N4BP2L2: variants seen among roughly 807,000 people sequenced by gnomAD.
N4BP2L2 encodes NEDD4-binding protein 2-like 2.
Under a neutral mutation model 56.2 loss-of-function variants are expected in N4BP2L2, and 50 were observed. The ratio of observed to expected loss-of-function variants is 0.89; its 90% CI spans 0.71 to 1.13. The LOEUF (loss-of-function observed/expected upper bound fraction) is 1.13, where lower values mean the gene tolerates loss of function less well. Among genes scored for constraint, N4BP2L2 ranks in the 50% most tolerant of loss-of-function variants. N4BP2L2 has a pLI of 0.00. For synonymous variants in N4BP2L2, 203 were observed against 223.6 expected (o/e 0.91, Z 0.82); for missense variants, 689 against 693.8 (o/e 0.99, Z 0.08).
At chr13:32,536,060 T>A (rs113871346) in exon 2 of N4BP2L2, 2 of 1,614,088 alleles carry the variant, frequency 1.2e-6, no homozygotes. Context: ...CCAGTTAACA[T>A]GACAATTATT....
chr13:32,536,013 C>A, exon 2 of N4BP2L2: 1 of 1,613,936 alleles, frequency 6.2e-7, no homozygotes, highest in Non-Finnish European at 8.5e-7. Flanking sequence ...TCACTACAGT[C>A]AGTATATTCA....
At chr13:32,535,779 T>C in exon 2 of N4BP2L2, 1 of 1,612,830 alleles carries the variant, frequency 6.2e-7, no homozygotes, top group Non-Finnish European at 8.5e-7. Flanking sequence ...CGAGACAATG[T>C]TGTTTTCCCA....
chr13:32,443,077 C>A, exon 7 of N4BP2L2: 1 of 1,606,612 alleles, frequency 6.2e-7, no homozygotes, highest in South Asian at 1.1e-5. Context: ...TTTCTTCCTC[C>A]TTTTCTTATT....
At chr13:32,536,963 C>T in exon 2 of N4BP2L2, 13 of 1,612,434 alleles carry the variant, frequency 8.1e-6, no homozygotes, top group Non-Finnish European at 1.1e-5. Context: ...TTTTTTACAG[C>T]GTGGCTCACT....
At chr13:32,459,471 A>G (rs1326694960) in intron 6 of N4BP2L2, among the ~76,000 whole-genome samples, 1 of 151,386 alleles carries the variant, frequency 6.6e-6, no homozygotes, top group Non-Finnish European at 1.5e-5. Context: ...CAGAAATACA[A>G]AAGATCATCA....
downstream of N4BP2L2, chr13:32,507,563 C>G (rs759902598): frequency 1.3e-5 from 2 of 152,090 alleles, no homozygotes; most frequent in African/African-American, 4.8e-5. Context: ...AAAGTGACAT[C>G]TCAGGTGAGA....
intron 6 of N4BP2L2, among the ~76,000 whole-genome samples, chr13:32,487,888 C>T (rs1278697834): frequency 3.3e-5 from 5 of 149,958 alleles, no homozygotes; most frequent in South Asian, 4.2e-4. Context: ...ACGGAGTTTT[C>T]GCTCTTGTTG....
At chr13:32,537,929 G>C (rs541006655) in intron 1 of N4BP2L2, among the ~76,000 whole-genome samples, 1 of 152,152 alleles carries the variant, frequency 6.6e-6, no homozygotes, top group Non-Finnish European at 1.5e-5. Context: ...AATTAGCCGG[G>C]CATGGGGGCG....
At chr13:32,467,393 G>A (rs1440739510) in intron 6 of N4BP2L2, among the ~76,000 whole-genome samples, 1 of 151,936 alleles carries the variant, frequency 6.6e-6, no homozygotes, top group Non-Finnish European at 1.5e-5. Context: ...GAATAAGTGG[G>A]ACTACAGGCG....
intron 6 of N4BP2L2, among the ~76,000 whole-genome samples, chr13:32,453,565 T>C (rs574790423): frequency 6.6e-6 from 1 of 152,336 alleles, no homozygotes; most frequent in African/African-American, 2.4e-5. Flanking sequence ...TAGCACGCTA[T>C]GGCCTCAAAC....
intron 6 of N4BP2L2, among the ~76,000 whole-genome samples, chr13:32,470,763 C>T (rs1396750020): frequency 2.6e-5 from 4 of 152,130 alleles, no homozygotes; most frequent in Admixed American, 6.5e-5. Flanking sequence ...CTTAGAACAG[C>T]GGAGTATGCT....
chr13:32,434,428 A>G (rs1241326136), intron 9 of N4BP2L2, among the ~76,000 whole-genome samples: 2 of 151,994 alleles, frequency 1.3e-5, no homozygotes, highest in Admixed American at 6.6e-5. Flanking sequence ...TTGCAAAGTT[A>G]TTTCATTTAA....
At chr13:32,460,404 A>T (rs1446995060) in intron 6 of N4BP2L2, among the ~76,000 whole-genome samples, 1 of 152,164 alleles carries the variant, frequency 6.6e-6, no homozygotes, top group Non-Finnish European at 1.5e-5. Context: ...ATTTAGAAAA[A>T]CCTAAAGACT....
At chr13:32,438,834 C>A (rs2075829224) in intron 7 of N4BP2L2, 1 of 769,198 alleles carries the variant, frequency 1.3e-6, no homozygotes, top group Non-Finnish European at 2.1e-6. Context: ...ATTCACCATA[C>A]CATTAAAAGT....
intron 6 of N4BP2L2, among the ~76,000 whole-genome samples, chr13:32,447,518 GAATC>G: frequency 6.6e-6 from 1 of 152,268 alleles, no homozygotes; most frequent in East Asian, 1.9e-4. Context: ...AAAAAGATAA[GAATC>G]AAGTATGAGT....
At chr13:32,476,162 G>GA (rs1242548959) in intron 6 of N4BP2L2, among the ~76,000 whole-genome samples, 1 of 152,166 alleles carries the variant, frequency 6.6e-6, no homozygotes, top group African/African-American at 2.4e-5. Context: ...CTGAAGGCAG[G>GA]AACCCAGAAG....
At chr13:32,511,933 C>A (rs1028435408) in exon 6 of N4BP2L2, 9 of 151,940 alleles carry the variant, frequency 5.9e-5, no homozygotes, top group African/African-American at 2.2e-4. Flanking sequence ...CACTAAAAAA[C>A]TGAAGAGTTC....
chr13:32,463,088 A>C (rs947443295), intron 6 of N4BP2L2, among the ~76,000 whole-genome samples: 6 of 151,944 alleles, frequency 3.9e-5, no homozygotes, highest in East Asian at 1.9e-4. Context: ...TTAATAAAAA[A>C]TTTCAAAAAC....
rs868490006 is a variant in N4BP2L2, at chr13:32,520,688, G to A, written c.1550+685C>T. The stretch of plus-strand genomic sequence containing the variant: ...AAAAAAAAGTAAAGGAAAAAAAAAA[G>A]GAATAACAGTCAGGAAACACAGTGA... On this transcript the variant is annotated intron_variant, in intron 5 of 5. Transcript: ENST00000267068. 4.0e-5 allele frequency among the ~76,000 whole-genome samples: 6 copies of A among 150,584 alleles called. No individual in the cohort carries two copies. In the South Asian group the frequency reaches 8.4e-4, roughly 21 times the overall value.
Sources: gnomAD v4.1 joint callset for allele counts (sites outside exome capture counted in the v4.1 genomes callset) on GRCh38, gnomAD v4.1.1 for gene constraint, MANE v1.5 for transcripts, NCBI Gene and HGNC (gene_info 2026-07-23, HGNC 2026-07-21) for gene names.